Variants in HAUS5 observed in about 807,000 individuals in gnomAD.
The protein encoded by HAUS5 is HAUS augmin-like complex subunit 5.
In HAUS5, 67 loss-of-function variants were observed where a neutral mutation model predicts 94.1. The observed-to-expected ratio is 0.71, with a 90% CI of 0.58 to 0.87. HAUS5 has a LOEUF of 0.87. Among genes scored for constraint, HAUS5 ranks in the 40% least tolerant of loss-of-function variants. The probability of loss-of-function intolerance (pLI) is 0.00; values close to 1 mark genes in which losing one functional copy is unlikely to be tolerated. For missense variants in HAUS5, 739 were observed against 825.6 expected (o/e 0.90, Z 1.29); for synonymous variants, 339 against 355.4 (o/e 0.95, Z 0.52).
At chr19:35,617,997 A>G (rs1026776635) in intron 9 of HAUS5, 74 bp from the exon 10 acceptor site, 1 of 1,601,630 alleles carries the variant, frequency 6.2e-7, no homozygotes, top group Non-Finnish European at 8.5e-7. Flanking sequence ...TCTTGATGAC[A>G]GCCCTATTCC....
Position 35,620,023 on chromosome 19 carries a change from T to G in HAUS5, c.1418T>G (p.Leu473Arg), listed in dbSNP as rs770141211. ...CTCCCCGCCCGTAGGTTGAAGCCCC[T>G]GCCCACGGTCCTCCCATCCATCCAC... is the stretch of plus-strand genomic sequence containing the variant. The part of the protein sequence containing the change: ...LRHRPGELKP[L>R]PTVLPSIHQL... Residue 473 changes from leucine (L) to arginine (R), a missense_variant, in exon 16 of 19, where the codon CTG (leucine) becomes CGG (arginine). Physicochemically the swap from Leu to Arg is moderately radical, Grantham distance 102. Transcript: ENST00000203166. The G allele has an allele frequency of 1.2e-6, 2 of 1,604,704 alleles. No individual in the cohort carries two copies. The highest frequency in any genetic ancestry group is 1.7e-6 in the Non-Finnish European group (2 of 1,173,850).
At chr19:35,617,041 G>T in intron 6 of HAUS5, 83 bp from the exon 7 acceptor site, 1 of 1,141,142 alleles carries the variant, frequency 8.8e-7, no homozygotes, top group Non-Finnish European at 1.3e-6. Flanking sequence ...TCCTCTGACC[G>T]GCCTTGCTGG....
chr19:35,621,486 G>A (rs1047728762), intron 17 of HAUS5, among the ~76,000 whole-genome samples: 3 of 152,118 alleles, frequency 2.0e-5, no homozygotes, highest in Non-Finnish European at 2.9e-5. Flanking sequence ...GGGACCACAG[G>A]CATGCACCCC....
At position 35,613,727 on chromosome 19, in the gene HAUS5, C is replaced by T. The variant is rs1400541997; in HGVS notation, c.99-3C>T. On this transcript the variant is annotated splice_region_variant and splice_polypyrimidine_tract_variant and intron_variant, in intron 1 of 18. Transcript: ENST00000203166. ...GGCATATGCTTACACACTGTCCCCA[C>T]AGGCTGTGTCTGGGCCAGGGGGCTG... is the stretch of plus-strand genomic sequence containing the variant. 3.1e-6 allele frequency: 5 copies of T among 1,613,780 alleles called. No individual in the cohort carries two copies. Among genetic ancestry groups the T allele is most frequent in the Non-Finnish European group, 4.2e-6 (5 of 1,179,704 alleles).
rs1967115916 is a variant in HAUS5, at chr19:35,617,848, C to T, written c.639-7C>T. 1 of 1,613,600 alleles carries T rather than the reference C, an allele frequency of 6.2e-7. No homozygotes were observed. Among genetic ancestry groups the T allele is most frequent in the Non-Finnish European group, 8.5e-7 (1 of 1,179,578 alleles). On this transcript the variant is annotated splice_region_variant and splice_polypyrimidine_tract_variant and intron_variant, in intron 8 of 18. Coordinates refer to ENST00000203166, the MANE Select transcript of HAUS5 (RefSeq NM_015302.2). Reference sequence around the variant, plus strand: ...AACGTTCTCTGTCCGCTTACCCAACCCCACAGAACCCCTCATGATGACCAC... The same window carrying T: ...AACGTTCTCTGTCCGCTTACCCAACTCCACAGAACCCCTCATGATGACCAC...
rs1160320573 is a variant in HAUS5 at position 35,620,322 on chromosome 19, C to T, written c.1646C>T (p.Thr549Ile). Residue 549 changes from threonine (T) to isoleucine (I), a missense_variant, in exon 17 of 19, where the codon ACC becomes ATC. By Grantham distance (89) the Thr-to-Ile change is moderately conservative (BLOSUM62 -1). Coordinates refer to ENST00000203166, the MANE Select transcript of HAUS5 (RefSeq NM_015302.2). The stretch of plus-strand genomic sequence containing the variant: ...ACCAGCCTGCCGCCAGGCCTTCCCA[C>T]CCAGGGTAGGTCTGCCCTGCCACCC... Reference protein sequence around the residue: ...MKTSLPPGLPTQELLQIQASQ... With the variant: ...MKTSLPPGLPIQELLQIQASQ... 1.9e-6 allele frequency: 3 copies of T among 1,612,426 alleles called. No homozygotes were observed. The highest frequency in any genetic ancestry group is 2.5e-6 in the Non-Finnish European group (3 of 1,179,488).
In HAUS5 at chr19:35,620,281, T is replaced by C; in HGVS notation, c.1605T>C (p.Asp535=). The C allele has an allele frequency of 6.2e-7, 1 of 1,613,510 alleles. No individual in the cohort carries two copies. Among genetic ancestry groups the C allele is most frequent in the South Asian group, 1.1e-5 (1 of 91,068 alleles). ...ACCAGCGGAGCCTCTGGTGCTGGGA[T>C]CTACTCCACATGAAGACCAGCCTGC... The part of the protein sequence containing the change: ...LQDQRSLWCW[D]LLHMKTSLPP... Residue 535 remains aspartate, a synonymous_variant, in exon 17 of 19, where the codon GAT becomes GAC. Coordinates refer to ENST00000203166, the MANE Select transcript of HAUS5 (RefSeq NM_015302.2).
chr19:35,615,048 C>G lies in HAUS5; in HGVS notation c.226C>G (p.Arg76Gly). The G allele has an allele frequency of 6.3e-7, 1 of 1,590,534 alleles. No homozygotes were observed. The highest frequency in any genetic ancestry group is 8.6e-7 in the Non-Finnish European group (1 of 1,168,368). The change falls in exon 5 of 19, where the codon CGG (arginine) becomes GGG (glycine). Residue 76 changes from arginine to glycine, a missense_variant. Coordinates refer to ENST00000203166, the MANE Select transcript of HAUS5 (RefSeq NM_015302.2). ...CTGAATCTGATCCTCCCAGGTCCGT[C>G]GGAAGTTAGAGCTGGAAGCTGCTGT... ...YGHQDSPQVR[R>G]KLELEAAVTR...
At chr19:35,616,014 A>G (rs2071939512) in intron 6 of HAUS5, among the ~76,000 whole-genome samples, 1 of 152,148 alleles carries the variant, frequency 6.6e-6, no homozygotes, top group Non-Finnish European at 1.5e-5. Flanking sequence ...TGGCTTGGCC[A>G]CTTAAAATTG....
chr19:35,618,057 C>A lies in HAUS5; in HGVS notation c.697-14C>A. ...GCCCCGATCCTGCCCTGACTTCACC[C>A]TCCCTCCCCCTAGACGCTGCTGACA... is the stretch of plus-strand genomic sequence containing the variant. On this transcript the variant is annotated splice_polypyrimidine_tract_variant and intron_variant, in intron 9 of 18. Transcript: ENST00000203166. The A allele has an allele frequency of 6.3e-7, 1 of 1,582,422 alleles. No homozygotes were observed. The highest frequency in any genetic ancestry group is 1.1e-5 in the South Asian group (1 of 87,252).
At chr19:35,618,495 T>A in intron 11 of HAUS5, 30 bp downstream of exon 11, 1 of 1,483,982 alleles carries the variant, frequency 6.7e-7, no homozygotes. Context: ...CCCCACCACA[T>A]TCCAAGACTT....
In HAUS5 at chr19:35,623,177, C is replaced by G; in HGVS notation, c.*184C>G. 1.7e-6 allele frequency: 1 copy of G among 590,964 alleles called. No individual in the cohort carries two copies. The highest frequency in any genetic ancestry group is 3.0e-6 in the Non-Finnish European group (1 of 332,408). 36.6% of individuals were successfully genotyped at this position (590,964 alleles called of 1,614,324 possible). A position where few individuals can be genotyped will look rare whatever the true frequency, so the allele number is the denominator to read the frequency against. The stretch of plus-strand genomic sequence containing the variant: ...TCCTGGACCCTGTCCTTTCATCCCG[C>G]TAAAGCACCCCCTAAAACCCCTTCA... On this transcript the variant is annotated 3_prime_UTR_variant, in exon 19 of 19. Transcript: ENST00000203166.
chr19:35,620,298 C>T lies in HAUS5; in HGVS notation c.1622C>T (p.Thr541Ile), dbSNP rs367917693. 14 of 1,613,214 alleles carry T rather than the reference C, an allele frequency of 8.7e-6. No homozygotes were observed. The highest frequency in any genetic ancestry group is 1.2e-5 in the Non-Finnish European group (14 of 1,179,842). ...TGCTGGGATCTACTCCACATGAAGA[C>T]CAGCCTGCCGCCAGGCCTTCCCACC... Reference protein sequence around the residue: ...LWCWDLLHMKTSLPPGLPTQE... With the variant: ...LWCWDLLHMKISLPPGLPTQE... Residue 541 changes from threonine (T) to isoleucine (I), a missense_variant, in exon 17 of 19, where the codon ACC (threonine) becomes ATC (isoleucine). Physicochemically the swap from Thr to Ile is moderately conservative, Grantham distance 89. Coordinates refer to ENST00000203166, the MANE Select transcript of HAUS5 (RefSeq NM_015302.2).
At chr19:35,618,032 GC>G in intron 9 of HAUS5, 38 bp from the exon 10 acceptor site, 1 of 1,587,466 alleles carries the variant, frequency 6.3e-7, no homozygotes, top group Non-Finnish European at 8.6e-7. Context: ...TCACAGCCCT[GC>G]CCCGATCCTG....
rs377681552 is a variant in HAUS5, at chr19:35,620,030, G to A, written c.1425G>A (p.Thr475=). The change falls in exon 16 of 19, where the codon ACG becomes ACA. Residue 475 remains threonine, a synonymous_variant. Transcript: ENST00000203166. ...CCCGTAGGTTGAAGCCCCTGCCCAC[G>A]GTCCTCCCATCCATCCACCAGCTGC... The part of the protein sequence containing the change: ...HRPGELKPLP[T]VLPSIHQLHP... The A allele has an allele frequency of 1.3e-5, 21 of 1,611,030 alleles. No homozygotes were observed. The highest frequency in any genetic ancestry group is 1.1e-4 in the East Asian group (5 of 44,672).
chr19:35,614,072 T>C lies in HAUS5; in HGVS notation c.219+13T>C, dbSNP rs752947749. On this transcript the variant is annotated intron_variant, in intron 4 of 18. Coordinates refer to ENST00000203166, the MANE Select transcript of HAUS5 (RefSeq NM_015302.2). ...GGACAGTCCACAGGTGAGAAGCATA[T>C]GCTACAAGATTCTCTTTCATCCGAA... is the stretch of plus-strand genomic sequence containing the variant. 1.2e-5 allele frequency: 19 copies of C among 1,612,064 alleles called. No homozygotes were observed. The South Asian group carries it at 2.1e-4, about 18-fold the overall frequency.
chr19:35,624,873 A>G lies in HAUS5; in HGVS notation c.*1880A>G, dbSNP rs1019175945. On this transcript the variant is annotated 3_prime_UTR_variant, in exon 19 of 19. Coordinates refer to ENST00000203166, the MANE Select transcript of HAUS5 (RefSeq NM_015302.2). ...AAGTTTTCAAATTTGGAAGTTTGGCAGCTTTATGATCTTGAACCTTGCTGT... is the reference window on the plus strand; with the variant it reads ...AAGTTTTCAAATTTGGAAGTTTGGCGGCTTTATGATCTTGAACCTTGCTGT... 6.6e-5 allele frequency: 10 copies of G among 152,196 alleles called. No homozygotes were observed. Among genetic ancestry groups the G allele is most frequent in the Admixed American group, 5.9e-4 (9 of 15,262 alleles). 9.4% of individuals were successfully genotyped at this position (152,196 alleles called of 1,614,324 possible).
chr19:35,612,786 G>A lies in HAUS5; in HGVS notation c.-9G>A. The A allele has an allele frequency of 6.5e-7, 1 of 1,540,530 alleles. No homozygotes were observed. Among genetic ancestry groups the A allele is most frequent in the Non-Finnish European group, 8.7e-7 (1 of 1,143,048 alleles). On this transcript the variant is annotated 5_prime_UTR_variant, in exon 1 of 19. Coordinates refer to ENST00000203166, the MANE Select transcript of HAUS5 (RefSeq NM_015302.2). ...CTGAGGGAGGCGGTGTCGCCGCCGC[G>A]GCGCTGTCATGGAGCTAGCGCAGGA... is the stretch of plus-strand genomic sequence containing the variant.
In HAUS5 at chr19:35,615,487, G is replaced by C. The variant is rs1294820397; in HGVS notation, c.485+101G>C. The C allele has an allele frequency of 1.3e-5, 12 of 913,820 alleles. No homozygotes were observed. In the South Asian group the frequency reaches 1.4e-4, roughly 10 times the overall value. 56.6% of individuals were successfully genotyped at this position (913,820 alleles called of 1,614,324 possible). ...TCCCTTCTTGGGTTCCAGAATTCTG[G>C]AACCATTAGGATGGAATGTCCATGA... On this transcript the variant is annotated intron_variant, in intron 6 of 18. Coordinates refer to ENST00000203166, the MANE Select transcript of HAUS5 (RefSeq NM_015302.2).
Sources: allele counts gnomAD v4.1 joint callset (sites outside exome capture counted in the v4.1 genomes callset), GRCh38; gene constraint gnomAD v4.1.1; transcripts MANE v1.5; gene names NCBI Gene and HGNC (gene_info 2026-07-23, HGNC 2026-07-21).